Variants in CRACD observed in about 807,000 individuals in gnomAD.
CRACD encodes the protein capping protein-inhibiting regulator of actin dynamics.
CRACD carries 56 observed loss-of-function variants against 106.8 expected under a neutral mutation model. That is an observed-to-expected ratio of 0.52 (90% CI 0.42 to 0.66). The LOEUF (loss-of-function observed/expected upper bound fraction) is 0.66. Among genes scored for constraint, CRACD ranks in the 30% least tolerant of loss-of-function variants. The pLI, the probability that CRACD is intolerant of heterozygous loss-of-function variation, is 0.00. For synonymous variants in CRACD, 754 were observed against 670.8 expected, an observed-to-expected ratio of 1.12 and a Z score of -1.92; for missense variants, 1,730 against 1,623.2, an observed-to-expected ratio of 1.07 and a Z score of -1.13.
intron 3 of CRACD, among the ~76,000 whole-genome samples, chr4:56,279,367 AAC>A (rs879326832): frequency 0.47 from 71,388 of 151,556 alleles, 17,690 homozygotes; most frequent in African/African-American, 0.63. Context: ...GGCAACCTAC[AAC>A]ATGGGAGAAA....
At chr4:56,327,215 A>G (rs1053927364) in intron 10 of CRACD, among the ~76,000 whole-genome samples, 2 of 152,218 alleles carry the variant, frequency 1.3e-5, no homozygotes, top group African/African-American at 4.8e-5. Context: ...AGAGATATAA[A>G]CACATAGCTT....
At chr4:56,097,429 T>A (rs892971837) in intron 1 of CRACD, 2 of 152,940 alleles carry the variant, frequency 1.3e-5, no homozygotes, top group African/African-American at 4.8e-5. Flanking sequence ...CGATCTCGTC[T>A]GATCTCGGAA....
chr4:56,168,059 C>G (rs1269437768), intron 1 of CRACD, among the ~76,000 whole-genome samples: 1 of 152,202 alleles, frequency 6.6e-6, no homozygotes, highest in Middle Eastern at 3.4e-3. Flanking sequence ...ACTTTTATTT[C>G]TCTTTCTTGT....
At chr4:56,102,709 T>C (rs1344190698) in intron 1 of CRACD, among the ~76,000 whole-genome samples, 1 of 152,196 alleles carries the variant, frequency 6.6e-6, no homozygotes, top group Non-Finnish European at 1.5e-5. Context: ...CCGTTGCCTG[T>C]AAGTGAAAGC....
At chr4:56,072,354 A>G (rs1732689537) in intron 1 of CRACD, among the ~76,000 whole-genome samples, 1 of 152,236 alleles carries the variant, frequency 6.6e-6, no homozygotes, top group South Asian at 2.1e-4. Context: ...GTTTATGGCA[A>G]TGCAGACTGA....
In CRACD at chr4:56,314,543, G is replaced by A. The variant is rs1385478819; in HGVS notation, c.1041G>A (p.Gln347=). 10 of 1,504,516 alleles carry A rather than the reference G, an allele frequency of 6.6e-6. No individual in the cohort carries two copies. The highest frequency in any genetic ancestry group is 8.0e-6 in the Non-Finnish European group (9 of 1,129,630). 93.2% of individuals were successfully genotyped at this position (1,504,516 alleles called of 1,614,324 possible). A position where few individuals can be genotyped will look rare whatever the true frequency, so the allele number is the denominator to read the frequency against. Residue 347 remains glutamine (Q), a synonymous_variant, in exon 8 of 11, where the codon CAG becomes CAA. Coordinates refer to ENST00000682029, the MANE Select transcript of CRACD (RefSeq NM_001393381.1). This position sits in a 1 kb window ranked among gnomAD's most constrained non-coding sequence, Gnocchi z 4.4. The part of the protein sequence containing the change: ...EDARLEERRR[Q]EEEEGRCAEE... ...CCAGGCTGGAGGAGCGGAGGCGGCAGGAGGAGGAGGAAGGAAGATGCGCGG... is the reference window on the plus strand; with the variant it reads ...CCAGGCTGGAGGAGCGGAGGCGGCAAGAGGAGGAGGAAGGAAGATGCGCGG...
chr4:56,162,437 G>A (rs1046989523), intron 1 of CRACD, among the ~76,000 whole-genome samples: 2 of 152,076 alleles, frequency 1.3e-5, no homozygotes, highest in Admixed American at 1.3e-4. Context: ...TTGAACTCTT[G>A]GTCTCAAGAT....
At chr4:56,293,901 A>G (rs1743836620) in intron 3 of CRACD, among the ~76,000 whole-genome samples, 1 of 147,654 alleles carries the variant, frequency 6.8e-6, no homozygotes, top group African/African-American at 2.5e-5. Context: ...AGATGCAGTA[A>G]TACAAGCTTA....
At position 56,327,831 on chromosome 4, in the gene CRACD, C is replaced by T. The variant is rs765122357; in HGVS notation, c.*27C>T. 3 of 1,589,626 alleles carry T rather than the reference C, an allele frequency of 1.9e-6. No homozygotes were observed. The highest frequency in any genetic ancestry group is 1.7e-6 in the Non-Finnish European group (2 of 1,162,266). On this transcript the variant is annotated 3_prime_UTR_variant, in exon 11 of 11. Coordinates refer to ENST00000682029, the MANE Select transcript of CRACD (RefSeq NM_001393381.1). ...GAGTGACTCTCACCCATCCCTACTG[C>T]CAGTTATTGGCTCCTCTCTTGCCCT...
At chr4:56,134,399 A>C (rs184384952) in intron 1 of CRACD, among the ~76,000 whole-genome samples, 1 of 152,260 alleles carries the variant, frequency 6.6e-6, no homozygotes, top group East Asian at 1.9e-4. Context: ...CCCAAGACCA[A>C]ACTGGGGCCT....
chr4:56,259,776 CAG>C (rs1369964931), intron 2 of CRACD, among the ~76,000 whole-genome samples: 1 of 152,104 alleles, frequency 6.6e-6, no homozygotes, highest in African/African-American at 2.4e-5. Flanking sequence ...ACAGGCAAAG[CAG>C]GGGGTTGCTG....
In CRACD at chr4:56,324,190, G is replaced by A. The variant is rs7695701; in HGVS notation, c.3465G>A (p.Arg1155=). 620,122 of 1,613,202 alleles carry A rather than the reference G, an allele frequency of 0.38. 126,050 individuals carry two copies. The highest frequency in any genetic ancestry group is 0.42 in the Non-Finnish European group (494,203 of 1,179,408). Residue 1155 remains arginine (R), a synonymous_variant, in exon 10 of 11, where the codon AGG becomes AGA. Transcript: ENST00000682029. ...HKSTALPEEK[R]PETAVSRLER... ...CCACTGCTCTGCCAGAAGAGAAGAGGCCCGAGACTGCAGTGTCCAGGCTTG... is the reference window on the plus strand; with the variant it reads ...CCACTGCTCTGCCAGAAGAGAAGAGACCCGAGACTGCAGTGTCCAGGCTTG...
chr4:56,103,280 T>C (rs569935667), intron 1 of CRACD, among the ~76,000 whole-genome samples: 1 of 152,300 alleles, frequency 6.6e-6, no homozygotes, highest in African/African-American at 2.4e-5. Context: ...CTCAAAGACA[T>C]GGCAAAGGGA....
intron 9 of CRACD, 125 bp from the exon 10 acceptor site, chr4:56,323,979 A>G: frequency 9.3e-7 from 1 of 1,070,576 alleles, no homozygotes; most frequent in Non-Finnish European, 1.4e-6. Flanking sequence ...CATACATGTA[A>G]TCCAGCCCAC....
chr4:56,075,999 T>A (rs1732827366), intron 1 of CRACD, among the ~76,000 whole-genome samples: 1 of 152,206 alleles, frequency 6.6e-6, no homozygotes, highest in Non-Finnish European at 1.5e-5. Flanking sequence ...AAAAGCTTCC[T>A]TTGGCTGGAA....
At chr4:56,251,710 G>T (rs1355973501) in intron 2 of CRACD, among the ~76,000 whole-genome samples, 1 of 152,158 alleles carries the variant, frequency 6.6e-6, no homozygotes, top group Non-Finnish European at 1.5e-5. Flanking sequence ...ATGAACATCG[G>T]CTCTGGCTTT....
intron 1 of CRACD, among the ~76,000 whole-genome samples, chr4:56,147,146 CCT>C (rs1735416073): frequency 6.6e-6 from 1 of 152,040 alleles, no homozygotes; most frequent in South Asian, 2.1e-4. Context: ...TGCAGCTGGC[CCT>C]CTCTGCCTGG....
chr4:56,183,164 C>T (rs1044580050), intron 2 of CRACD, among the ~76,000 whole-genome samples: 1 of 151,386 alleles, frequency 6.6e-6, no homozygotes, highest in Non-Finnish European at 1.5e-5. Context: ...ACCTGGGAAG[C>T]GGAGGTTGCG....
intron 2 of CRACD, among the ~76,000 whole-genome samples, chr4:56,205,095 G>A (rs1738055756): frequency 6.6e-6 from 1 of 152,112 alleles, no homozygotes; most frequent in African/African-American, 2.4e-5. Context: ...ATTTGAAGCT[G>A]CAATGAGCTA....
Sources: allele counts gnomAD v4.1 joint callset (sites outside exome capture counted in the v4.1 genomes callset), GRCh38; gene constraint gnomAD v4.1.1; non-coding constraint Gnocchi (gnomAD v3.1); transcripts MANE v1.5; gene names NCBI Gene and HGNC (gene_info 2026-07-23, HGNC 2026-07-21).